DYM: variants seen among roughly 807,000 people sequenced by gnomAD.
DYM encodes the protein dyggve-Melchior-Clausen syndrome protein.
A neutral mutation model predicts 93.1 loss-of-function variants in DYM; 78 were observed. The observed-to-expected ratio is 0.84, with a 90% CI of 0.70 to 1.01. The LOEUF (loss-of-function observed/expected upper bound fraction) is 1.01, where lower values mean the gene tolerates loss of function less well. DYM is among the 50% of genes least tolerant of loss of function. DYM has a pLI of 0.00. For synonymous variants in DYM, 321 were observed against 319.7 expected, an observed-to-expected ratio of 1.00 and a Z score of -0.04; for missense variants, 789 against 845.0, an observed-to-expected ratio of 0.93 and a Z score of 0.82.
intron 5 of DYM, among the ~76,000 whole-genome samples, chr18:49,371,717 T>C (rs1300561865): frequency 1.3e-5 from 2 of 152,234 alleles, no homozygotes; most frequent in Non-Finnish European, 2.9e-5. Context: ...TATTACTTCA[T>C]AGTTTTGCCT....
chr18:49,289,700 G>C, intron 8 of DYM, among the ~76,000 whole-genome samples: 1 of 128,148 alleles, frequency 7.8e-6, no homozygotes, highest in Non-Finnish European at 1.6e-5. Context: ...AACAGAATAA[G>C]CCCCTATCTC....
chr18:49,405,130 T>C lies in DYM; in HGVS notation c.141-13485A>G, dbSNP rs28812468. 6.6e-3 allele frequency among the ~76,000 whole-genome samples: 1,010 copies of C among 152,318 alleles called. 65 individuals carry two copies. Among genetic ancestry groups the C allele is most frequent in the Admixed American group, 0.061 (926 of 15,298 alleles). On this transcript the variant is annotated intron_variant, in intron 2 of 17. Transcript: ENST00000675505. ...CTTGTTGAACTGTTTGAATTCCTTA[T>C]AGATTCTGGATATTAGATGTTTGCT...
chr18:49,119,248 G>A (rs1056714711), intron 15 of DYM, among the ~76,000 whole-genome samples: 13 of 152,102 alleles, frequency 8.5e-5, no homozygotes, highest in South Asian at 6.2e-4. Context: ...TCTCATTATC[G>A]TATTACCCTA....
chr18:49,123,684 GTTTTC>G (rs1182654445), intron 15 of DYM, among the ~76,000 whole-genome samples: 2 of 152,094 alleles, frequency 1.3e-5, no homozygotes, highest in African/African-American at 2.4e-5. Context: ...TGTTTAAAAT[GTTTTC>G]TTTTTATGAT....
intron 8 of DYM, among the ~76,000 whole-genome samples, chr18:49,293,092 C>T (rs894729438): frequency 6.6e-6 from 1 of 152,028 alleles, no homozygotes; most frequent in Non-Finnish European, 1.5e-5. Context: ...TTTTCTGTTC[C>T]TGTGTTAATT....
At chr18:49,265,693 G>A (rs1051855134) in intron 11 of DYM, among the ~76,000 whole-genome samples, 2 of 150,848 alleles carry the variant, frequency 1.3e-5, no homozygotes, top group Admixed American at 6.6e-5. Flanking sequence ...CAGGAGAATC[G>A]CTTGAACTTG....
chr18:49,280,862 T>C (rs1283168763), intron 10 of DYM, among the ~76,000 whole-genome samples: 1 of 152,178 alleles, frequency 6.6e-6, no homozygotes, highest in Admixed American at 6.5e-5. Context: ...GAAGAAAACC[T>C]AGGCAATACC....
intron 5 of DYM, among the ~76,000 whole-genome samples, chr18:49,377,804 A>G (rs2067656379): frequency 6.6e-6 from 1 of 152,226 alleles, no homozygotes; most frequent in South Asian, 2.1e-4. Flanking sequence ...GTTATTATAC[A>G]TATGCATGAA....
At chr18:49,282,779 T>C (rs899827035) in intron 9 of DYM, among the ~76,000 whole-genome samples, 1 of 152,048 alleles carries the variant, frequency 6.6e-6, no homozygotes, top group Admixed American at 6.5e-5. Context: ...TCAATACAAC[T>C]TAACCAGGAC....
chr18:49,389,576 A>G (rs1416610140), intron 3 of DYM, among the ~76,000 whole-genome samples: 1 of 152,116 alleles, frequency 6.6e-6, no homozygotes, highest in Non-Finnish European at 1.5e-5. Flanking sequence ...GGTTCCCTGC[A>G]GCCTCAAATT....
At chr18:49,109,626 G>A (rs1200398371) in intron 16 of DYM, among the ~76,000 whole-genome samples, 2 of 152,292 alleles carry the variant, frequency 1.3e-5, no homozygotes, top group East Asian at 3.9e-4. Flanking sequence ...AGTGATCAGA[G>A]CATCTGCATT....
chr18:49,422,304 C>G (rs571323778), intron 2 of DYM, among the ~76,000 whole-genome samples: 1 of 152,294 alleles, frequency 6.6e-6, no homozygotes, highest in Non-Finnish European at 1.5e-5. Flanking sequence ...AACAGCGGAT[C>G]TCTCGGCAGA....
intron 15 of DYM, among the ~76,000 whole-genome samples, chr18:49,142,989 G>A (rs773700803): frequency 1.3e-5 from 2 of 152,140 alleles, no homozygotes; most frequent in Non-Finnish European, 2.9e-5. Context: ...CGTTCAGGAA[G>A]AATATATGGA....
intron 17 of DYM, among the ~76,000 whole-genome samples, chr18:49,049,529 C>T (rs1272235345): frequency 6.6e-6 from 1 of 152,190 alleles, no homozygotes; most frequent in Admixed American, 6.5e-5. Flanking sequence ...TGTAACCATC[C>T]TTCCTACTTC....
intron 8 of DYM, among the ~76,000 whole-genome samples, chr18:49,315,362 G>A (rs547405918): frequency 7.7e-4 from 117 of 152,204 alleles, no homozygotes; most frequent in Non-Finnish European, 1.2e-3. Context: ...CCTGCCTACC[G>A]GGTATGGGAG....
intron 13 of DYM, among the ~76,000 whole-genome samples, chr18:49,237,538 T>C (rs755272754): frequency 3.3e-5 from 5 of 152,236 alleles, no homozygotes; most frequent in Non-Finnish European, 5.9e-5. Flanking sequence ...CTATTTTTTG[T>C]AATCAGCTTA....
intron 5 of DYM, among the ~76,000 whole-genome samples, chr18:49,364,011 C>A (rs560686842): frequency 1.8e-4 from 28 of 152,316 alleles, no homozygotes; most frequent in East Asian, 7.7e-4. Context: ...TAACCAACTT[C>A]TTTTTCTATT....
At chr18:49,090,309 G>A (rs2078928756) in intron 17 of DYM, among the ~76,000 whole-genome samples, 1 of 152,168 alleles carries the variant, frequency 6.6e-6, no homozygotes, top group Admixed American at 6.5e-5. Flanking sequence ...CTCCTTTGAG[G>A]ATAGAAGCCC....
At chr18:49,350,338 T>G (rs2065001504) in intron 6 of DYM, among the ~76,000 whole-genome samples, 1 of 152,236 alleles carries the variant, frequency 6.6e-6, no homozygotes, top group South Asian at 2.1e-4. Context: ...CTATAGCTAC[T>G]GATTGGGAAA....
Sources: allele counts gnomAD v4.1 joint callset (sites outside exome capture counted in the v4.1 genomes callset), GRCh38; gene constraint gnomAD v4.1.1; transcripts MANE v1.5; gene names NCBI Gene and HGNC (gene_info 2026-07-23, HGNC 2026-07-21).